Variants in CCDC175 observed in about 807,000 individuals in gnomAD.
CCDC175 encodes coiled-coil domain containing 175, also known as coiled-coil domain-containing protein 175.
CCDC175 carries 100 observed loss-of-function variants against 114.6 expected under a neutral mutation model. The observed-to-expected ratio is 0.87, with a 90% CI of 0.74 to 1.03. The LOEUF is 1.03. Among genes scored for constraint, CCDC175 ranks in the 50% least tolerant of loss-of-function variants. The pLI, the probability that CCDC175 is intolerant of heterozygous loss-of-function variation, is 0.00. For synonymous variants in CCDC175, 306 were observed against 308.7 expected (o/e 0.99, Z 0.09); for missense variants, 880 against 917.8 (o/e 0.96, Z 0.53).
At chr14:59,521,720 TATAG>T in intron 16 of CCDC175, 44 bp from the exon 17 acceptor site, 9 of 1,072,546 alleles carry the variant, frequency 8.4e-6, no homozygotes, top group East Asian at 2.6e-5. Context: ...GTTTAGTTAC[TATAG>T]ATAAATTATC....
At chr14:59,562,364 T>TTC (rs1416163244) in intron 6 of CCDC175, among the ~76,000 whole-genome samples, 10 of 152,200 alleles carry the variant, frequency 6.6e-5, no homozygotes, top group African/African-American at 2.4e-4. Context: ...AAATACTGTT[T>TTC]TCAAACCTCA....
At chr14:59,542,583 T>C (rs1443330074) in intron 10 of CCDC175, among the ~76,000 whole-genome samples, 1 of 152,098 alleles carries the variant, frequency 6.6e-6, no homozygotes, top group Non-Finnish European at 1.5e-5. Context: ...TTAAATACAG[T>C]ATAGTATAAT....
At chr14:59,546,717 G>C (rs1895133055) in intron 8 of CCDC175, among the ~76,000 whole-genome samples, 1 of 151,992 alleles carries the variant, frequency 6.6e-6, no homozygotes, top group Non-Finnish European at 1.5e-5. Flanking sequence ...ATTCCAAAGA[G>C]CTTCACCCTT....
At position 59,551,416 on chromosome 14, in the gene CCDC175, T is replaced by C; in HGVS notation, c.974A>G (p.Lys325Arg). ...EAKLCFFTDN[K>R]EKLDDISNDE... ...ATTAGATATATCATCTAGTTTTTCTTTGTTATCTGTGAAAAAACACCTATG... is the reference window on the plus strand; with the variant it reads ...ATTAGATATATCATCTAGTTTTTCTCTGTTATCTGTGAAAAAACACCTATG... The change falls in exon 8 of 20, where the codon AAA (lysine) becomes AGA (arginine). Residue 325 changes from lysine to arginine, a missense_variant. By Grantham distance (26) the Lys-to-Arg change is conservative. Coordinates refer to ENST00000537690, the MANE Select transcript of CCDC175 (RefSeq NM_001164399.2). The C allele has an allele frequency of 6.9e-7, 1 of 1,452,300 alleles. No homozygotes were observed. The allele number at this position is 1,452,300 out of a possible 1,614,324, so 90.0% of individuals were successfully genotyped here. A position where few individuals can be genotyped will look rare whatever the true frequency, so the allele number is the denominator to read the frequency against.
At chr14:59,558,392 G>A (rs1896040104) in intron 7 of CCDC175, among the ~76,000 whole-genome samples, 1 of 152,194 alleles carries the variant, frequency 6.6e-6, no homozygotes, top group Non-Finnish European at 1.5e-5. Flanking sequence ...AGGCTCTGGT[G>A]GTGATCCAGA....
chr14:59,561,699 A>C (rs1896235044), intron 6 of CCDC175, among the ~76,000 whole-genome samples: 1 of 152,218 alleles, frequency 6.6e-6, no homozygotes, highest in Non-Finnish European at 1.5e-5. Flanking sequence ...AATTTAGGAA[A>C]TGGAATAATT....
At chr14:59,507,096 AAG>A (rs1231144657) in intron 19 of CCDC175, among the ~76,000 whole-genome samples, 4 of 152,334 alleles carry the variant, frequency 2.6e-5, no homozygotes, top group East Asian at 3.9e-4. Context: ...TTAAGGCAAA[AAG>A]TAAGTTTTTA....
rs1566613374 is a variant in CCDC175 at position 59,538,743 on chromosome 14, G to C, written c.1453C>G (p.Gln485Glu). Residue 485 changes from glutamine (Q) to glutamate (E), a missense_variant, in exon 12 of 20, where the codon CAG becomes GAG. Coordinates refer to ENST00000537690, the MANE Select transcript of CCDC175 (RefSeq NM_001164399.2). The stretch of plus-strand genomic sequence containing the variant: ...TCAATTCGTCTAACTTCTGCATTCT[G>C]AATTTTTTCTGTAATAGCTTGTATT... The part of the protein sequence containing the change: ...AEIQAITEKI[Q>E]NAEVRRIELL... 1.3e-6 allele frequency: 2 copies of C among 1,536,174 alleles called. No homozygotes were observed. The highest frequency in any genetic ancestry group is 1.7e-6 in the Non-Finnish European group (2 of 1,146,508).
intron 2 of CCDC175, among the ~76,000 whole-genome samples, chr14:59,574,140 T>A (rs2140137041): frequency 6.6e-6 from 1 of 152,310 alleles, no homozygotes; most frequent in East Asian, 1.9e-4. Flanking sequence ...TAAAGTATGA[T>A]TATGTAGTAT....
intron 13 of CCDC175, 145 bp from the exon 14 acceptor site, chr14:59,532,055 T>C: frequency 1.8e-6 from 1 of 550,710 alleles, no homozygotes; most frequent in Non-Finnish European, 3.2e-6. Flanking sequence ...ATATGGCATA[T>C]ACTAATCTTT....
chr14:59,562,666 G>C (rs934036240), intron 6 of CCDC175, among the ~76,000 whole-genome samples: 2 of 152,106 alleles, frequency 1.3e-5, no homozygotes, highest in African/African-American at 4.8e-5. Flanking sequence ...AAAATAATTT[G>C]GGCTTAGAGA....
intron 6 of CCDC175, among the ~76,000 whole-genome samples, chr14:59,562,181 T>C (rs1376737725): frequency 6.6e-6 from 1 of 152,244 alleles, no homozygotes; most frequent in Non-Finnish European, 1.5e-5. Context: ...GAAGGCCTGA[T>C]AGGCCTGACA....
chr14:59,510,627 G>A lies in CCDC175; in HGVS notation c.2305+19C>T. ...TAGCAGGAAGTCCCATGTTACCAAAGCTCTAAGCTGTTGCTTACTAAGAAG... is the reference window on the plus strand; with the variant it reads ...TAGCAGGAAGTCCCATGTTACCAAAACTCTAAGCTGTTGCTTACTAAGAAG... On this transcript the variant is annotated intron_variant, in intron 19 of 19. Coordinates refer to ENST00000537690, the MANE Select transcript of CCDC175 (RefSeq NM_001164399.2). 1 of 1,536,482 alleles carries A rather than the reference G, an allele frequency of 6.5e-7. No individual in the cohort carries two copies.
At chr14:59,557,489 A>G (rs1349558387) in intron 7 of CCDC175, among the ~76,000 whole-genome samples, 3 of 141,844 alleles carry the variant, frequency 2.1e-5, no homozygotes, top group Non-Finnish European at 4.6e-5. Context: ...GGGGGGAGGG[A>G]TAGCATTAGG....
chr14:59,530,257 C>T (rs1381965146), intron 14 of CCDC175, among the ~76,000 whole-genome samples: 1 of 151,926 alleles, frequency 6.6e-6, no homozygotes, highest in African/African-American at 2.4e-5. Context: ...ATCCCAGCTA[C>T]TCAGGAGGCT....
At chr14:59,526,180 A>T (rs964563455) in intron 15 of CCDC175, among the ~76,000 whole-genome samples, 3 of 152,242 alleles carry the variant, frequency 2.0e-5, no homozygotes, top group South Asian at 2.1e-4. Flanking sequence ...TATAAGTTGC[A>T]TGATATTTAT....
chr14:59,556,120 C>T lies in CCDC175; in HGVS notation c.954-4684G>A, dbSNP rs897020411. Among the ~76,000 whole-genome samples the T allele has an allele frequency of 1.3e-4, 20 of 151,868 alleles. 2 individuals carry two copies. Among genetic ancestry groups the T allele is most frequent in the Admixed American group, 8.5e-4 (13 of 15,220 alleles). ...CACAGAATTGGAAAAAACTAAAGTTCATATGGAACCAAAAAAGAGCCCGCA... is the reference window on the plus strand; with the variant it reads ...CACAGAATTGGAAAAAACTAAAGTTTATATGGAACCAAAAAAGAGCCCGCA... On this transcript the variant is annotated intron_variant, in intron 7 of 19. Coordinates refer to ENST00000537690, the MANE Select transcript of CCDC175 (RefSeq NM_001164399.2).
At chr14:59,567,456 T>A (rs1277783410) in intron 4 of CCDC175, among the ~76,000 whole-genome samples, 1 of 152,194 alleles carries the variant, frequency 6.6e-6, no homozygotes, top group Non-Finnish European at 1.5e-5. Flanking sequence ...AGACTTTTTT[T>A]CCCCTATGAT....
At chr14:59,524,425 G>A (rs964244188) in intron 16 of CCDC175, among the ~76,000 whole-genome samples, 13 of 152,022 alleles carry the variant, frequency 8.6e-5, no homozygotes, top group African/African-American at 3.1e-4. Context: ...TTTAAAAAAC[G>A]GGCAAAAGAC....
Sources: allele counts gnomAD v4.1 joint callset (sites outside exome capture counted in the v4.1 genomes callset), GRCh38; gene constraint gnomAD v4.1.1; transcripts MANE v1.5; gene names NCBI Gene and HGNC (gene_info 2026-07-23, HGNC 2026-07-21).